Variants in RGPD2 observed in about 807,000 individuals in gnomAD.
The protein encoded by RGPD2 is RANBP2-like and GRIP domain-containing protein 2.
RGPD2 carries 2 observed loss-of-function variants against 36.0 expected under a neutral mutation model. The ratio of observed to expected loss-of-function variants is 0.06; its 90% CI spans 0.02 to 0.17. The LOEUF (loss-of-function observed/expected upper bound fraction) is 0.17. Ranked by LOEUF, RGPD2 falls within the 10% of genes least tolerant of loss-of-function variation. The pLI is 1.00. For synonymous variants in RGPD2, 19 were observed against 163.8 expected (o/e 0.12, Z 6.75); for missense variants, 40 against 464.3 (o/e 0.09, Z 8.40).
the RGPD2 span, among the ~76,000 whole-genome samples, chr2:87,967,292 T>C: frequency 0.023 from 2,443 of 108,212 alleles, 1 homozygote; most frequent in East Asian, 0.052. Context: ...CCTGTAGTCC[T>C]AGCTACGTGG....
chr2:87,836,806 C>G, the RGPD2 span, among the ~76,000 whole-genome samples: 3 of 152,146 alleles, frequency 2.0e-5, no homozygotes, highest in Middle Eastern at 3.4e-3. Flanking sequence ...GGTAAAGCAG[C>G]CAAACATAAC....
the RGPD2 span, among the ~76,000 whole-genome samples, chr2:87,915,473 GTA>G: frequency 6.9e-3 from 889 of 128,100 alleles, 15 homozygotes; most frequent in African/African-American, 0.026. Flanking sequence ...ATATGTGTAT[GTA>G]TATATATGTG....
At chr2:87,974,926 T>C in the RGPD2 span, among the ~76,000 whole-genome samples, 1 of 152,106 alleles carries the variant, frequency 6.6e-6, no homozygotes. Context: ...CCATATACCA[T>C]AGAGGATCCT....
the RGPD2 span, among the ~76,000 whole-genome samples, chr2:87,846,834 G>A: frequency 6.7e-6 from 1 of 148,716 alleles, no homozygotes; most frequent in Non-Finnish European, 1.5e-5. Context: ...TAGCTGTTGT[G>A]GTTTATTTTC....
chr2:87,848,533 C>T, the RGPD2 span, among the ~76,000 whole-genome samples: 1 of 147,664 alleles, frequency 6.8e-6, no homozygotes, highest in African/African-American at 2.5e-5. Flanking sequence ...CCAAAGAATA[C>T]ACGTTATTCA....
the RGPD2 span, among the ~76,000 whole-genome samples, chr2:87,935,232 T>C: frequency 6.8e-6 from 1 of 147,208 alleles, no homozygotes; most frequent in Non-Finnish European, 1.5e-5. Context: ...AATGTGTCAA[T>C]AGAGGATCCT....
At chr2:87,912,151 T>C in the RGPD2 span, among the ~76,000 whole-genome samples, 1 of 148,544 alleles carries the variant, frequency 6.7e-6, no homozygotes, top group Non-Finnish European at 1.5e-5. Context: ...AGCACTGTTT[T>C]ATAACTTTTA....
At chr2:87,853,413 A>G in the RGPD2 span, among the ~76,000 whole-genome samples, 1 of 152,044 alleles carries the variant, frequency 6.6e-6, no homozygotes, top group African/African-American at 2.4e-5. Flanking sequence ...TTGTAGAGAC[A>G]GGATCTTGCG....
the RGPD2 span, among the ~76,000 whole-genome samples, chr2:87,864,838 A>G: frequency 2.0e-5 from 3 of 152,228 alleles, no homozygotes; most frequent in African/African-American, 7.2e-5. Context: ...AGACTACTCT[A>G]CATGTTCTGG....
chr2:87,874,068 T>G, the RGPD2 span, among the ~76,000 whole-genome samples: 1 of 151,118 alleles, frequency 6.6e-6, no homozygotes, highest in East Asian at 1.9e-4. Context: ...CCTATGGTTT[T>G]TTTTTTCTTG....
chr2:87,886,308 G>C, the RGPD2 span, among the ~76,000 whole-genome samples: 1 of 151,722 alleles, frequency 6.6e-6, no homozygotes, highest in Non-Finnish European at 1.5e-5. Context: ...AGTCTTCCTT[G>C]TCCATGCTAC....
At chr2:87,985,959 A>C in the RGPD2 span, 1 of 1,368,216 alleles carries the variant, frequency 7.3e-7, no homozygotes, top group South Asian at 1.4e-5. Context: ...CTCTGCATGC[A>C]TTTCTTTTCC....
the RGPD2 span, among the ~76,000 whole-genome samples, chr2:87,910,557 G>A: frequency 1.3e-5 from 2 of 152,228 alleles, no homozygotes; most frequent in East Asian, 3.8e-4. Flanking sequence ...TTTGTTGTGA[G>A]TTCTTTTATT....
chr2:87,872,957 A>T, the RGPD2 span, among the ~76,000 whole-genome samples: 1 of 152,226 alleles, frequency 6.6e-6, no homozygotes, highest in East Asian at 1.9e-4. Flanking sequence ...ACGAGGTTTC[A>T]CCATGTTGGC....
At chr2:87,763,238 A>G (rs1377202019) in intron 22 of RGPD2, among the ~76,000 whole-genome samples, 1 of 143,064 alleles carries the variant, frequency 7.0e-6, no homozygotes, top group Non-Finnish European at 1.5e-5. Context: ...GCTCACTGCA[A>G]GCTCCGCCTC....
At chr2:87,911,194 T>C in the RGPD2 span, among the ~76,000 whole-genome samples, 1 of 127,270 alleles carries the variant, frequency 7.9e-6, no homozygotes, top group Non-Finnish European at 1.7e-5. Flanking sequence ...GACAGATGTA[T>C]ATGCTGGACC....
the RGPD2 span, among the ~76,000 whole-genome samples, chr2:87,973,693 T>TAAAAA: frequency 9.5e-6 from 1 of 105,460 alleles, no homozygotes; most frequent in Non-Finnish European, 2.0e-5. Context: ...GTGAACCAGC[T>TAAAAA]AAAAAAAAAA....
intron 1 of RGPD2, among the ~76,000 whole-genome samples, chr2:87,824,742 G>GGCCGCCGCCGCCGCCGCCGCC (rs1329887497): frequency 3.4e-5 from 3 of 87,700 alleles, no homozygotes; most frequent in Admixed American, 1.2e-4. Flanking sequence ...GCCAGGCCGA[G>GGCCGCCGCCGCCGCCGCCGCC]GCCGCCGCCG....
At chr2:87,951,999 T>C in the RGPD2 span, among the ~76,000 whole-genome samples, 1 of 152,076 alleles carries the variant, frequency 6.6e-6, no homozygotes, top group Non-Finnish European at 1.5e-5. Flanking sequence ...GCCTACCCAC[T>C]TGTATACATC....
Sources: allele counts gnomAD v4.1 joint callset (sites outside exome capture counted in the v4.1 genomes callset), GRCh38; gene constraint gnomAD v4.1.1; transcripts MANE v1.5; gene names NCBI Gene and HGNC (gene_info 2026-07-23, HGNC 2026-07-21).